The following TENM3 variants were observed in gnomAD, a reference collection of about 807,000 sequenced individuals.
TENM3 encodes teneurin-3.
Under a neutral mutation model 255.1 loss-of-function variants are expected in TENM3, and 63 were observed. The ratio of observed to expected loss-of-function variants is 0.25; its 90% CI spans 0.20 to 0.30. TENM3 has a LOEUF of 0.30. Among genes scored for constraint, TENM3 ranks in the 10% least tolerant of loss-of-function variants. The pLI is 1.00. For synonymous variants in TENM3, 1,306 were observed against 1,322.3 expected (o/e 0.99, Z 0.27); for missense variants, 2,929 against 3,461.1 (o/e 0.85, Z 3.86).
chr4:182,608,210 C>G (rs995958159), intron 4 of TENM3, among the ~76,000 whole-genome samples: 1 of 151,864 alleles, frequency 6.6e-6, no homozygotes, highest in Non-Finnish European at 1.5e-5. Flanking sequence ...TTATTTTTTC[C>G]TGGAATCAAG....
At chr4:181,960,691 T>G in the TENM3 span, among the ~76,000 whole-genome samples, 1 of 152,162 alleles carries the variant, frequency 6.6e-6, no homozygotes, top group African/African-American at 2.4e-5. Context: ...CATCTATAAT[T>G]TTGTATACAC....
rs149078652 is a variant in TENM3 at position 182,319,163 on chromosome 4, C to T, written c.-75-4783C>T. Among the ~76,000 whole-genome samples, 372 of 152,306 alleles carry T rather than the reference C, an allele frequency of 2.4e-3. 1 individual carries two copies. The highest frequency in any genetic ancestry group is 3.9e-3 in the Non-Finnish European group (267 of 68,010). On this transcript the variant is annotated intron_variant, in intron 1 of 27. Coordinates refer to ENST00000511685, the MANE Select transcript of TENM3 (RefSeq NM_001080477.4). ...TTTTCAAAGGCTTTGCCCACTGATG[C>T]AGCTAATGTCATATTCATTAAATGC... is the stretch of plus-strand genomic sequence containing the variant.
chr4:182,156,124 G>A (rs1014080830), intron 1 of TENM3, among the ~76,000 whole-genome samples: 2 of 150,308 alleles, frequency 1.3e-5, no homozygotes, highest in Non-Finnish European at 2.9e-5. Flanking sequence ...GGACTATGTT[G>A]TGTATAGATC....
the TENM3 span, among the ~76,000 whole-genome samples, chr4:181,747,045 G>C: frequency 6.6e-6 from 1 of 151,970 alleles, no homozygotes; most frequent in African/African-American, 2.4e-5. Flanking sequence ...CTATCAGAGG[G>C]TCAAGGGCAA....
At chr4:182,602,459 G>A (rs1375046471) in intron 4 of TENM3, among the ~76,000 whole-genome samples, 1 of 152,202 alleles carries the variant, frequency 6.6e-6, no homozygotes, top group Non-Finnish European at 1.5e-5. Context: ...AACCCATTCT[G>A]CCTTGAGGAT....
the TENM3 span, among the ~76,000 whole-genome samples, chr4:181,583,851 G>C: frequency 2.0e-5 from 3 of 152,138 alleles, no homozygotes; most frequent in Non-Finnish European, 4.4e-5. Context: ...ACAGATTTTA[G>C]AATCAAATTT....
intron 4 of TENM3, among the ~76,000 whole-genome samples, chr4:182,625,627 A>G (rs1306251675): frequency 3.9e-5 from 6 of 152,204 alleles, no homozygotes; most frequent in Non-Finnish European, 7.4e-5. Flanking sequence ...ATACTTGGCA[A>G]AGATGATCAT....
chr4:181,930,301 TCAAA>T, the TENM3 span, among the ~76,000 whole-genome samples: 21 of 151,636 alleles, frequency 1.4e-4, no homozygotes, highest in African/African-American at 4.9e-4. Context: ...GAGAGAAGAA[TCAAA>T]CAGACACAAT....
the TENM3 span, among the ~76,000 whole-genome samples, chr4:181,922,514 A>G: frequency 6.6e-6 from 1 of 151,844 alleles, no homozygotes; most frequent in East Asian, 1.9e-4. Flanking sequence ...TTTCTAGTTT[A>G]TTTGCGTAGA....
intron 13 of TENM3, among the ~76,000 whole-genome samples, chr4:182,721,059 C>T (rs982592879): frequency 5.3e-5 from 8 of 151,940 alleles, no homozygotes; most frequent in Middle Eastern, 3.4e-3. Flanking sequence ...TGAGCCACCA[C>T]GCCCGGCCTA....
the TENM3 span, among the ~76,000 whole-genome samples, chr4:181,963,346 C>T: frequency 1.3e-5 from 2 of 152,200 alleles, no homozygotes; most frequent in African/African-American, 4.8e-5. Context: ...TTCTCTTTCC[C>T]TTTTCCCTCA....
At chr4:182,673,490 G>A (rs966500848) in intron 7 of TENM3, among the ~76,000 whole-genome samples, 1 of 152,126 alleles carries the variant, frequency 6.6e-6, no homozygotes, top group South Asian at 2.1e-4. Flanking sequence ...TGAGCACCCA[G>A]TAAAACACCA....
At chr4:182,616,084 G>T (rs1243783131) in intron 4 of TENM3, among the ~76,000 whole-genome samples, 1 of 152,192 alleles carries the variant, frequency 6.6e-6, no homozygotes, top group Admixed American at 6.5e-5. Context: ...GCTAAAGTTT[G>T]AAACCTACCG....
the TENM3 span, among the ~76,000 whole-genome samples, chr4:181,570,097 C>T: frequency 6.9e-6 from 1 of 144,102 alleles, no homozygotes; most frequent in African/African-American, 2.6e-5. Context: ...GGACTGCGGA[C>T]TGCAGTGGCA....
At chr4:181,931,541 C>G in the TENM3 span, among the ~76,000 whole-genome samples, 1 of 152,170 alleles carries the variant, frequency 6.6e-6, no homozygotes, top group Non-Finnish European at 1.5e-5. Flanking sequence ...GAAAAACATT[C>G]CATGCTCATG....
At chr4:181,666,586 A>G in the TENM3 span, among the ~76,000 whole-genome samples, 1 of 152,212 alleles carries the variant, frequency 6.6e-6, no homozygotes, top group East Asian at 1.9e-4. Context: ...ATTTCTATGT[A>G]GACTACAAGG....
chr4:182,306,497 C>T (rs28451680), intron 1 of TENM3, among the ~76,000 whole-genome samples: 2,212 of 152,132 alleles, frequency 0.015, 54 homozygotes, highest in African/African-American at 0.049. Context: ...CTTTGAGTTA[C>T]CTGGATGCAT....
the TENM3 span, among the ~76,000 whole-genome samples, chr4:181,856,081 AGGAAGGAAGGAAAG>A: frequency 2.2e-4 from 30 of 135,604 alleles, no homozygotes; most frequent in Middle Eastern, 3.8e-3. Context: ...GGAAGAAGGA[AGGAAGGAAGGAAAG>A]GGAAAGAAGG....
At position 182,388,441 on chromosome 4, in the gene TENM3, TTTTG is replaced by T. The variant is rs1051590415; in HGVS notation, c.511+41516_511+41519del. Reference sequence around the variant, plus strand: ...CTGTGTTACATCTTTTGAATCCTTATTTTGTTTAATTCTCCAAAACAGTCTTGTG... The same window carrying T: ...CTGTGTTACATCTTTTGAATCCTTATTTTAATTCTCCAAAACAGTCTTGTG... On this transcript the variant is annotated intron_variant, in intron 3 of 27. Coordinates refer to ENST00000511685, the MANE Select transcript of TENM3 (RefSeq NM_001080477.4). 8.0e-4 allele frequency among the ~76,000 whole-genome samples: 122 copies of T among 152,364 alleles called. 1 individual carries two copies. Among genetic ancestry groups the T allele is most frequent in the African/African-American group, 2.7e-3 (114 of 41,588 alleles).
Sources: allele counts gnomAD v4.1 joint callset (sites outside exome capture counted in the v4.1 genomes callset), GRCh38; gene constraint gnomAD v4.1.1; transcripts MANE v1.5; gene names NCBI Gene and HGNC (gene_info 2026-07-23, HGNC 2026-07-21).